DNAH2: variants seen among roughly 807,000 people sequenced by gnomAD.
DNAH2 encodes the protein dynein axonemal heavy chain 2.
In DNAH2, 323 loss-of-function variants were observed where a neutral mutation model predicts 523.5. The observed-to-expected ratio is 0.62, with a 90% CI of 0.56 to 0.68. The LOEUF (loss-of-function observed/expected upper bound fraction) is 0.68. DNAH2 is among the 30% of genes least tolerant of loss of function. The pLI is 0.00. For missense variants in DNAH2, 4,907 were observed against 5,701.5 expected (o/e 0.86, Z 4.49); for synonymous variants, 2,093 against 2,177.4 (o/e 0.96, Z 1.08).
intron 56 of DNAH2, among the ~76,000 whole-genome samples, chr17:7,800,728 A>G (rs1286051961): frequency 2.0e-4 from 30 of 150,606 alleles, no homozygotes; most frequent in Non-Finnish European, 3.1e-4. Context: ...TTAGATGGGC[A>G]TGGTGGCGGG....
rs190795201 is a variant in DNAH2, at chr17:7,791,336, G to T, written c.6901-581G>T. Among the ~76,000 whole-genome samples the T allele has an allele frequency of 4.5e-3, 688 of 152,248 alleles. 1 individual carries two copies. Among genetic ancestry groups the T allele is most frequent in the Admixed American group, 9.2e-3 (141 of 15,300 alleles). On this transcript the variant is annotated intron_variant, in intron 44 of 85. Coordinates refer to ENST00000572933, the MANE Select transcript of DNAH2 (RefSeq NM_020877.5). The stretch of plus-strand genomic sequence containing the variant: ...TCCACGCGGCTCTGCCTCCCTAAGT[G>T]CTGGGATTACAGGCATGAGCCACCG...
chr17:7,798,620 G>T lies in DNAH2; in HGVS notation c.8461G>T (p.Asp2821Tyr). 6.2e-7 allele frequency: 1 copy of T among 1,614,108 alleles called. No homozygotes were observed. Among genetic ancestry groups the T allele is most frequent in the Non-Finnish European group, 8.5e-7 (1 of 1,180,018 alleles). Residue 2821 changes from aspartate to tyrosine, a missense_variant, in exon 55 of 86, where the codon GAC becomes TAC. This residue lies in a region of DNAH2 where 1,851 missense variants were observed against 2,139.4 expected (regional missense o/e 0.87). Coordinates refer to ENST00000572933, the MANE Select transcript of DNAH2 (RefSeq NM_020877.5). The surrounding 1 kb of genome is among the most constrained non-coding windows in gnomAD (Gnocchi z 5.5). ...ELKTTSFIFV[D>Y]TQIADESFLE... is the part of the protein sequence containing the mutation. Reference sequence around the variant, plus strand: ...CAAGACCACGTCCTTCATTTTTGTGGACACCCAAATAGCTGATGAGTCCTT... The same window carrying T: ...CAAGACCACGTCCTTCATTTTTGTGTACACCCAAATAGCTGATGAGTCCTT...
chr17:7,779,710 T>G (rs2076552308), intron 36 of DNAH2, among the ~76,000 whole-genome samples: 1 of 152,182 alleles, frequency 6.6e-6, no homozygotes, highest in South Asian at 2.1e-4. Flanking sequence ...CTCCAAGAGT[T>G]CTGGTCTCTC....
chr17:7,757,107 T>C lies in DNAH2; in HGVS notation c.1921T>C (p.Phe641Leu), dbSNP rs1293859649. The change falls in exon 13 of 86, where the codon TTT (phenylalanine) becomes CTT (leucine). Residue 641 changes from phenylalanine to leucine, a missense_variant. Coordinates refer to ENST00000572933, the MANE Select transcript of DNAH2 (RefSeq NM_020877.5). ...CTCTCAAAGGTCCCTTCTGATTCTC[T>C]TTGCGGAAATTGACTACTGGGAGCG... is the stretch of plus-strand genomic sequence containing the variant. ...VNFDKSLLIL[F>L]AEIDYWERLL... 7.4e-6 allele frequency: 12 copies of C among 1,614,048 alleles called. No individual in the cohort carries two copies. Among genetic ancestry groups the C allele is most frequent in the Non-Finnish European group, 1.0e-5 (12 of 1,180,020 alleles).
Position 7,766,382 on chromosome 17 carries a change from GC to G in DNAH2, c.3577del (p.Leu1193Ter). On this transcript the variant is annotated frameshift_variant, in exon 22 of 86. Coordinates refer to ENST00000572933, the MANE Select transcript of DNAH2 (RefSeq NM_020877.5). LOFTEE classifies it high-confidence loss of function. ...LDQITQVRAM[L>X]MAMREEENSL... The stretch of plus-strand genomic sequence containing the variant: ...ACCAGATTACACAAGTGCGGGCCAT[GC>G]TGATGGCCATGCGGGAAGAGGAAAA... 1 of 1,614,090 alleles carries G rather than the reference GC, an allele frequency of 6.2e-7. No individual in the cohort carries two copies.
chr17:7,779,374 TG>T lies in DNAH2; in HGVS notation c.5674del (p.Glu1892LysfsTer2). On this transcript the variant is annotated frameshift_variant, in exon 36 of 86. Coordinates refer to ENST00000572933, the MANE Select transcript of DNAH2 (RefSeq NM_020877.5). LOFTEE classifies it high-confidence loss of function. ...TCACCCATTTCCATTTTGATGGCTT[TG>T]AAATAAATCTGGTGTGGTCCTGTGG... ...GLTHFHFDGF[E>X]INLVWSCGIF... The T allele has an allele frequency of 6.2e-7, 1 of 1,614,094 alleles. No individual in the cohort carries two copies.
chr17:7,749,572 T>C (rs1171945730), intron 12 of DNAH2, among the ~76,000 whole-genome samples: 1 of 152,084 alleles, frequency 6.6e-6, no homozygotes, highest in African/African-American at 2.4e-5. Context: ...ACACAACTTT[T>C]TGTTACATTG....
chr17:7,798,636 A>C lies in DNAH2; in HGVS notation c.8477A>C (p.Asp2826Ala). 1 of 1,614,008 alleles carries C rather than the reference A, an allele frequency of 6.2e-7. No individual in the cohort carries two copies. ...SFIFVDTQIADESFLEDINNI... is the reference protein window; with the variant it reads ...SFIFVDTQIAAESFLEDINNI... Reference sequence around the variant, plus strand: ...ATTTTTGTGGACACCCAAATAGCTGATGAGTCCTTCCTAGAGGACATCAAC... The same window carrying C: ...ATTTTTGTGGACACCCAAATAGCTGCTGAGTCCTTCCTAGAGGACATCAAC... The change falls in exon 55 of 86, where the codon GAT becomes GCT. Residue 2826 changes from aspartate (D) to alanine (A), a missense_variant. Physicochemically the swap from Asp to Ala is moderately radical, Grantham distance 126. This residue lies in a region of DNAH2 where 1,851 missense variants were observed against 2,139.4 expected (regional missense o/e 0.87). Transcript: ENST00000572933. This position sits in a 1 kb window ranked among gnomAD's most constrained non-coding sequence, Gnocchi z 5.5.
rs1038715951 is a variant in DNAH2, at chr17:7,821,055, T to G, written c.11016-188T>G. Reference sequence around the variant, plus strand: ...ACTCTGTCTCAAAAAGTAATAATAATAATAAGTGGACTCTGGGAAATTCTT... The same window carrying G: ...ACTCTGTCTCAAAAAGTAATAATAAGAATAAGTGGACTCTGGGAAATTCTT... On this transcript the variant is annotated intron_variant, in intron 72 of 85. Transcript: ENST00000572933. This position sits in a 1 kb window ranked among gnomAD's most constrained non-coding sequence, Gnocchi z 5.0. 1.3e-5 allele frequency among the ~76,000 whole-genome samples: 2 copies of G among 151,816 alleles called. No individual in the cohort carries two copies. Among genetic ancestry groups the G allele is most frequent in the Non-Finnish European group, 2.9e-5 (2 of 67,962 alleles).
At position 7,796,551 on chromosome 17, in the gene DNAH2, G is replaced by A. The variant is rs761957433; in HGVS notation, c.7762G>A (p.Val2588Met). 2 of 1,613,646 alleles carry A rather than the reference G, an allele frequency of 1.2e-6. No homozygotes were observed. The highest frequency in any genetic ancestry group is 2.2e-5 in the East Asian group (1 of 44,804). Reference sequence around the variant, plus strand: ...AGAGGTGAAGCCCATTGGGAACGTGGTGACAGAGGCCACCCTGGACATGTA... The same window carrying A: ...AGAGGTGAAGCCCATTGGGAACGTGATGACAGAGGCCACCCTGGACATGTA... ...EEEVKPIGNV[V>M]TEATLDMYNT... Residue 2588 changes from valine (V) to methionine (M), a missense_variant, in exon 50 of 86, where the codon GTG (valine) becomes ATG (methionine). Val to Met is a conservative substitution (Grantham distance 21). Coordinates refer to ENST00000572933, the MANE Select transcript of DNAH2 (RefSeq NM_020877.5).
Position 7,799,055 on chromosome 17 carries a change from T to A in DNAH2, c.8560-48T>A, listed in dbSNP as rs776053164. On this transcript the variant is annotated intron_variant, in intron 55 of 85. Coordinates refer to ENST00000572933, the MANE Select transcript of DNAH2 (RefSeq NM_020877.5). Reference sequence around the variant, plus strand: ...CACCTGACCCGCTGCCCCCGCTGATTCTGCTATGGACACGCCAGCCCTCTG... The same window carrying A: ...CACCTGACCCGCTGCCCCCGCTGATACTGCTATGGACACGCCAGCCCTCTG... 28 of 1,599,562 alleles carry A rather than the reference T, an allele frequency of 1.8e-5. 1 individual carries two copies. The South Asian group carries it at 2.5e-4, about 15-fold the overall frequency.
chr17:7,804,521 C>T (rs56187054), intron 59 of DNAH2, 55 bp downstream of exon 59: 423,094 of 1,578,502 alleles, frequency 0.27, 61,853 homozygotes, highest in Non-Finnish European at 0.3. Context: ...CCGGCTACTG[C>T]GTCAGGGAAC....
chr17:7,819,118 C>T lies in DNAH2; in HGVS notation c.10815+55C>T, dbSNP rs942634699. The T allele has an allele frequency of 3.1e-6, 5 of 1,602,618 alleles. No individual in the cohort carries two copies. In the Admixed American group the frequency reaches 5.0e-5, roughly 16 times the overall value. The stretch of plus-strand genomic sequence containing the variant: ...CCACCAGCCATCCAAGATGCAACTC[C>T]ATCATGACGGCTCGAGACCCCTCCT... On this transcript the variant is annotated intron_variant, in intron 71 of 85. Coordinates refer to ENST00000572933, the MANE Select transcript of DNAH2 (RefSeq NM_020877.5).
chr17:7,767,609 CTTT>C (rs373073103), intron 22 of DNAH2, among the ~76,000 whole-genome samples: 37 of 137,046 alleles, frequency 2.7e-4, no homozygotes, highest in Non-Finnish European at 4.1e-4. Flanking sequence ...ACTTATTTAC[CTTT>C]TTTTTTTTTT....
Position 7,734,808 on chromosome 17 carries a change from G to A in DNAH2, c.978+100G>A, listed in dbSNP as rs3826333. On this transcript the variant is annotated intron_variant, in intron 7 of 85. Coordinates refer to ENST00000572933, the MANE Select transcript of DNAH2 (RefSeq NM_020877.5). ...AGGAGAGGGAGCCAAGGCAATCTTCGATAGCACAGACTGACCCACCCAGGG... is the reference window on the plus strand; with the variant it reads ...AGGAGAGGGAGCCAAGGCAATCTTCAATAGCACAGACTGACCCACCCAGGG... 1.2e-5 allele frequency: 15 copies of A among 1,271,588 alleles called. No homozygotes were observed. In the East Asian group the frequency reaches 2.8e-4, roughly 24 times the overall value. 78.8% of individuals were successfully genotyped at this position (1,271,588 alleles called of 1,614,324 possible). A position where few individuals can be genotyped will look rare whatever the true frequency, so the allele number is the denominator to read the frequency against.
In DNAH2 at chr17:7,780,343, G is replaced by A. The variant is rs2076569837; in HGVS notation, c.5850+59G>A. 13 of 1,609,786 alleles carry A rather than the reference G, an allele frequency of 8.1e-6. No homozygotes were observed. Among genetic ancestry groups the A allele is most frequent in the Non-Finnish European group, 1.0e-5 (12 of 1,178,228 alleles). On this transcript the variant is annotated intron_variant, in intron 37 of 85. Coordinates refer to ENST00000572933, the MANE Select transcript of DNAH2 (RefSeq NM_020877.5). This position sits in a 1 kb window ranked among gnomAD's most constrained non-coding sequence, Gnocchi z 4.4. ...AATTTCCTTTCATAATTATTCCCTG[G>A]ACAGAGGAGCTCCCCAAGGGCCTCA...
chr17:7,739,434 T>G (rs1212819357), intron 8 of DNAH2, among the ~76,000 whole-genome samples: 3 of 152,070 alleles, frequency 2.0e-5, no homozygotes, highest in Non-Finnish European at 4.4e-5. Context: ...AAAATTGCAC[T>G]TACCACATTG....
Position 7,733,181 on chromosome 17 carries a change from G to A in DNAH2, c.494G>A (p.Gly165Asp). The change falls in exon 5 of 86, where the codon GGC becomes GAC. Residue 165 changes from glycine (G) to aspartate (D), a missense_variant. By Grantham distance (94) the Gly-to-Asp change is moderately conservative. Coordinates refer to ENST00000572933, the MANE Select transcript of DNAH2 (RefSeq NM_020877.5). ...ACTGTGCAGTTTGGGACGGTGCGGG[G>A]CCCCTATATCCCGGCCCTGCTTCGG... ...EATVQFGTVR[G>D]PYIPALLRLL... The A allele has an allele frequency of 6.2e-7, 1 of 1,614,174 alleles. No individual in the cohort carries two copies. The highest frequency in any genetic ancestry group is 8.5e-7 in the Non-Finnish European group (1 of 1,180,030).
Position 7,824,650 on chromosome 17 carries a change from C to T in DNAH2, c.11776C>T (p.Leu3926Phe). ...TCCTCATCCATCCTTCCGCCTCTGG[C>T]TCAGCTCCATCCCCCACCCAGACTT... ...EDPHPSFRLWLSSIPHPDFPI... is the reference protein window; with the variant it reads ...EDPHPSFRLWFSSIPHPDFPI... The change falls in exon 77 of 86, where the codon CTC becomes TTC. Residue 3926 changes from leucine (L) to phenylalanine (F), a missense_variant. This residue lies in a region of DNAH2 where 1,851 missense variants were observed against 2,139.4 expected (regional missense o/e 0.87). Transcript: ENST00000572933. 1.9e-6 allele frequency: 3 copies of T among 1,608,530 alleles called. No individual in the cohort carries two copies. Among genetic ancestry groups the T allele is most frequent in the East Asian group, 2.2e-5 (1 of 44,522 alleles).
Sources: gnomAD v4.1 joint callset for allele counts (sites outside exome capture counted in the v4.1 genomes callset) on GRCh38, gnomAD v4.1.1 for gene constraint, gnomAD v4.1.1 regional missense constraint, Gnocchi (gnomAD v3.1) non-coding constraint, MANE v1.5 for transcripts, NCBI Gene and HGNC (gene_info 2026-07-23, HGNC 2026-07-21) for gene names.